SDK1: variants seen among roughly 807,000 people sequenced by gnomAD.
The protein encoded by SDK1 is protein sidekick-1.
In SDK1, 157 loss-of-function variants were observed where a neutral mutation model predicts 245.5. That is an observed-to-expected ratio of 0.64 (90% CI 0.56 to 0.73). The LOEUF is 0.73. Ranked by LOEUF, SDK1 falls within the 30% of genes least tolerant of loss-of-function variation. The pLI, the probability that SDK1 is intolerant of heterozygous loss-of-function variation, is 0.00. For synonymous variants in SDK1, 1,647 were observed against 1,278.5 expected, an observed-to-expected ratio of 1.29 and a Z score of -6.15; for missense variants, 3,583 against 3,002.3, an observed-to-expected ratio of 1.19 and a Z score of -4.52.
chr7:3,611,970 C>G (rs896591286), intron 1 of SDK1, among the ~76,000 whole-genome samples: 2 of 152,068 alleles, frequency 1.3e-5, no homozygotes, highest in African/African-American at 4.8e-5. Context: ...AACTGGAGAC[C>G]ATTATTCTAA....
intron 4 of SDK1, among the ~76,000 whole-genome samples, chr7:3,669,544 C>T (rs4720012): frequency 0.74 from 111,659 of 151,904 alleles, 42,167 homozygotes; most frequent in African/African-American, 0.93. Context: ...CACTCCTGCT[C>T]ATTTTTTCTG....
intron 4 of SDK1, among the ~76,000 whole-genome samples, chr7:3,744,424 G>C (rs1439908068): frequency 6.6e-6 from 1 of 151,892 alleles, no homozygotes; most frequent in Non-Finnish European, 1.5e-5. Context: ...CATATACTAG[G>C]TATCCAGTAA....
At chr7:3,532,620 C>T (rs745844394) in intron 1 of SDK1, among the ~76,000 whole-genome samples, 13 of 152,164 alleles carry the variant, frequency 8.5e-5, no homozygotes, top group Non-Finnish European at 7.4e-5. Flanking sequence ...GTCATGTTAA[C>T]TCCAGGTCAT....
chr7:3,539,017 A>C (rs189543945), intron 1 of SDK1, among the ~76,000 whole-genome samples: 134 of 152,326 alleles, frequency 8.8e-4, no homozygotes, highest in African/African-American at 3.0e-3. Flanking sequence ...AGTGTGGCTC[A>C]GTTCATAGGA....
At chr7:3,969,229 C>A in intron 10 of SDK1, 28 bp from the exon 11 acceptor site, 1 of 1,548,162 alleles carries the variant, frequency 6.5e-7, no homozygotes, top group Non-Finnish European at 8.7e-7. Flanking sequence ...ACGACTGTAA[C>A]ATGCCTCTTT....
At chr7:3,321,794 T>TTC (rs35136795) in intron 1 of SDK1, among the ~76,000 whole-genome samples, 5 of 95,964 alleles carry the variant, frequency 5.2e-5, no homozygotes, top group African/African-American at 2.3e-4. Flanking sequence ...CCTTCCTTCC[T>TTC]TCCTTCCTTC....
intron 4 of SDK1, among the ~76,000 whole-genome samples, chr7:3,644,837 A>G (rs1782776951): frequency 6.7e-6 from 1 of 150,044 alleles, no homozygotes; most frequent in East Asian, 1.9e-4. Flanking sequence ...CAGGCAAGAT[A>G]CATTCTTGTA....
At chr7:3,620,254 T>G (rs960407065) in intron 2 of SDK1, among the ~76,000 whole-genome samples, 1 of 152,120 alleles carries the variant, frequency 6.6e-6, no homozygotes, top group Non-Finnish European at 1.5e-5. Flanking sequence ...GTCTGTGTGT[T>G]TGTATTTTAA....
intron 1 of SDK1, among the ~76,000 whole-genome samples, chr7:3,484,871 G>C (rs1045481321): frequency 1.3e-5 from 2 of 152,172 alleles, no homozygotes; most frequent in Non-Finnish European, 2.9e-5. Context: ...CTTTGTGGAA[G>C]CATAACATAT....
At chr7:3,572,241 C>T (rs1443252325) in intron 1 of SDK1, among the ~76,000 whole-genome samples, 1 of 151,964 alleles carries the variant, frequency 6.6e-6, no homozygotes, top group Non-Finnish European at 1.5e-5. Flanking sequence ...TGGTCTGTTT[C>T]TTTGTCAGAC....
intron 22 of SDK1, among the ~76,000 whole-genome samples, chr7:4,084,732 T>TTATGTTATGTTA (rs371969484): frequency 5.6e-5 from 5 of 89,180 alleles, no homozygotes; most frequent in African/African-American, 1.6e-4. Context: ...TTATGTTATG[T>TTATGTTATGTTA]TGTTACTTAA....
In SDK1 at chr7:3,698,490, T is replaced by C. The variant is rs140305799; in HGVS notation, c.713+56385T>C. Among the ~76,000 whole-genome samples the C allele has an allele frequency of 3.3e-3, 501 of 152,198 alleles. 1 individual carries two copies. The highest frequency in any genetic ancestry group is 5.3e-3 in the Non-Finnish European group (362 of 68,008). ...CAGGATTTTCCCATCTTCTCAGTGG[T>C]GACAAGGGCCCTCCTCACTCAGAGC... On this transcript the variant is annotated intron_variant, in intron 4 of 44. Coordinates refer to ENST00000404826, the MANE Select transcript of SDK1 (RefSeq NM_152744.4).
chr7:3,891,752 A>T (rs1049411055), intron 5 of SDK1, among the ~76,000 whole-genome samples: 1 of 152,130 alleles, frequency 6.6e-6, no homozygotes, highest in Non-Finnish European at 1.5e-5. Flanking sequence ...AGAGCCAATG[A>T]TTGCATCTTT....
intron 4 of SDK1, among the ~76,000 whole-genome samples, chr7:3,740,249 C>G: frequency 6.6e-6 from 1 of 152,158 alleles, no homozygotes; most frequent in East Asian, 1.9e-4. Flanking sequence ...ATATTAGAGC[C>G]TTTTCCAGTG....
At chr7:4,058,020 C>G (rs1779306296) in intron 19 of SDK1, among the ~76,000 whole-genome samples, 1 of 151,754 alleles carries the variant, frequency 6.6e-6, no homozygotes. Flanking sequence ...TATAACACTT[C>G]CAAAGGAACA....
At chr7:4,088,971 G>GGGAGGTGAGACCCTCCCTCAGGT (rs1056022723) in intron 22 of SDK1, among the ~76,000 whole-genome samples, 2 of 149,834 alleles carry the variant, frequency 1.3e-5, no homozygotes, top group African/African-American at 2.5e-5. Flanking sequence ...GCCCCTCAGA[G>GGGAGGTGAGACCCTCCCTCAGGT]GGAGGTGAGA....
chr7:3,710,322 C>T (rs1785012857), intron 4 of SDK1, among the ~76,000 whole-genome samples: 1 of 152,234 alleles, frequency 6.6e-6, no homozygotes, highest in South Asian at 2.1e-4. Context: ...GAGATCCTCA[C>T]ATACTGAACA....
rs994109628 is a variant in SDK1, at chr7:4,220,105, G to C, written c.5540-4G>C. On this transcript the variant is annotated splice_polypyrimidine_tract_variant and splice_region_variant and intron_variant, in intron 38 of 44. Coordinates refer to ENST00000404826, the MANE Select transcript of SDK1 (RefSeq NM_152744.4). ...CTTGTTTCCTTTGCTTCTGGCGGCT[G>C]CAGGGGTGAGCAAGGTGGTGACCGT... 1.2e-6 allele frequency: 2 copies of C among 1,612,992 alleles called. No individual in the cohort carries two copies. The highest frequency in any genetic ancestry group is 1.7e-6 in the Non-Finnish European group (2 of 1,179,174).
chr7:3,951,340 C>T (rs183540883), intron 6 of SDK1, among the ~76,000 whole-genome samples: 28 of 152,300 alleles, frequency 1.8e-4, no homozygotes, highest in Admixed American at 1.8e-3. Context: ...CATTGCTCTT[C>T]TCCTCTTAGT....
Sources: allele counts gnomAD v4.1 joint callset (sites outside exome capture counted in the v4.1 genomes callset), GRCh38; gene constraint gnomAD v4.1.1; transcripts MANE v1.5; gene names NCBI Gene and HGNC (gene_info 2026-07-23, HGNC 2026-07-21).